Variants in C8orf34 observed in about 807,000 individuals in gnomAD.
C8orf34 encodes the protein chromosome 8 open reading frame 34.
C8orf34 carries 65 observed loss-of-function variants against 68.3 expected under a neutral mutation model. The ratio of observed to expected loss-of-function variants is 0.95; its 90% CI spans 0.78 to 1.17. C8orf34 has a LOEUF of 1.17. C8orf34 is among the 50% of genes most tolerant of loss of function. The pLI is 0.00. For missense variants in C8orf34, 664 were observed against 655.4 expected (o/e 1.01, Z -0.14); for synonymous variants, 244 against 241.2 (o/e 1.01, Z -0.11).
At chr8:68,462,989 T>C (rs1440331958) in intron 3 of C8orf34, among the ~76,000 whole-genome samples, 1 of 151,806 alleles carries the variant, frequency 6.6e-6, no homozygotes. Flanking sequence ...TTCAAAAAAT[T>C]AATGAATCCA....
intron 7 of C8orf34, among the ~76,000 whole-genome samples, chr8:68,567,731 AT>A (rs71253093): frequency 0.55 from 77,330 of 139,870 alleles, 20,525 homozygotes; most frequent in African/African-American, 0.64. Flanking sequence ...AGTCTTTTGT[AT>A]TTTTTTTTTT....
At chr8:68,481,270 C>T (rs1420358051) in intron 4 of C8orf34, among the ~76,000 whole-genome samples, 2 of 152,200 alleles carry the variant, frequency 1.3e-5, no homozygotes, top group Non-Finnish European at 2.9e-5. Context: ...GTTTGGGAAC[C>T]TCTGCCTAGA....
chr8:68,484,060 C>G (rs1398939034), intron 4 of C8orf34, among the ~76,000 whole-genome samples: 1 of 152,152 alleles, frequency 6.6e-6, no homozygotes, highest in African/African-American at 2.4e-5. Flanking sequence ...GTACAGGAAG[C>G]ATAAAACCAG....
chr8:68,708,892 T>A, intron 8 of C8orf34, 102 bp from the exon 9 acceptor site: 1 of 791,780 alleles, frequency 1.3e-6, no homozygotes, highest in Non-Finnish European at 2.1e-6. Flanking sequence ...CATATCTGAG[T>A]TTAGAGTCTA....
chr8:68,448,674 G>A (rs1332481944), intron 3 of C8orf34, among the ~76,000 whole-genome samples: 1 of 152,090 alleles, frequency 6.6e-6, no homozygotes, highest in Non-Finnish European at 1.5e-5. Context: ...CACCAATATT[G>A]TAAGTTGAAG....
intron 9 of C8orf34, among the ~76,000 whole-genome samples, chr8:68,720,646 C>T (rs1821643963): frequency 6.6e-6 from 1 of 151,520 alleles, no homozygotes; most frequent in African/African-American, 2.4e-5. Flanking sequence ...CTAAGGAAGT[C>T]AACATTCTTC....
At chr8:68,616,603 A>T (rs2130603028) in intron 7 of C8orf34, among the ~76,000 whole-genome samples, 1 of 152,218 alleles carries the variant, frequency 6.6e-6, no homozygotes, top group Non-Finnish European at 1.5e-5. Flanking sequence ...AGCAGTTTTG[A>T]GTGAGTTTCT....
chr8:68,799,660 A>G (rs1268113699), intron 12 of C8orf34, among the ~76,000 whole-genome samples: 2 of 152,224 alleles, frequency 1.3e-5, no homozygotes, highest in Admixed American at 6.5e-5. Flanking sequence ...AAGTCAACAT[A>G]CATATACTGA....
Position 68,625,514 on chromosome 8 carries a change from T to C in C8orf34, c.1106-14862T>C, listed in dbSNP as rs888800999. The C allele has an allele frequency of 5.2e-5, 32 of 619,314 alleles. 2 individuals carry two copies. In the South Asian group the frequency reaches 5.6e-4, roughly 11 times the overall value. The allele number at this position is 619,314 out of a possible 1,614,324, so 38.4% of individuals were successfully genotyped here. ...TGTAAAATTCCACTTGGGGTGGCGATGCTTTGTGGCTTGAAGTGTAAGGGA... is the reference window on the plus strand; with the variant it reads ...TGTAAAATTCCACTTGGGGTGGCGACGCTTTGTGGCTTGAAGTGTAAGGGA... On this transcript the variant is annotated intron_variant, in intron 7 of 13. Coordinates refer to ENST00000518698, the MANE Select transcript of C8orf34 (RefSeq NM_052958.4).
intron 1 of C8orf34, among the ~76,000 whole-genome samples, chr8:68,381,845 A>G (rs539302520): frequency 9.2e-5 from 14 of 152,128 alleles, no homozygotes; most frequent in Admixed American, 3.3e-4. Flanking sequence ...TTAAATACCT[A>G]TAGATTAAAA....
chr8:68,680,910 A>T (rs1271901377), intron 8 of C8orf34, among the ~76,000 whole-genome samples: 1 of 152,050 alleles, frequency 6.6e-6, no homozygotes, highest in East Asian at 1.9e-4. Flanking sequence ...CATAAGACAG[A>T]CACTCCCAGA....
At chr8:68,443,987 C>T (rs559531831) in intron 2 of C8orf34, among the ~76,000 whole-genome samples, 1 of 152,120 alleles carries the variant, frequency 6.6e-6, no homozygotes, top group South Asian at 2.1e-4. Flanking sequence ...ACTGGAATGT[C>T]AACTATGATT....
chr8:68,450,255 C>T lies in C8orf34; in HGVS notation c.607+3795C>T, dbSNP rs180895192. Among the ~76,000 whole-genome samples, 653 of 152,158 alleles carry T rather than the reference C, an allele frequency of 4.3e-3. 5 individuals are homozygous for T. The highest frequency in any genetic ancestry group is 0.015 in the African/African-American group (630 of 41,540). On this transcript the variant is annotated intron_variant, in intron 3 of 13. Transcript: ENST00000518698. ...CTATTTCTAGTTCTCTTGCTATTTC[C>T]ACCATATATTCAGTTACTTCCTTCA...
chr8:68,530,984 C>G (rs142006343), intron 6 of C8orf34, among the ~76,000 whole-genome samples: 1 of 152,092 alleles, frequency 6.6e-6, no homozygotes, highest in East Asian at 1.9e-4. Flanking sequence ...ATCCACATAC[C>G]CTCCACCTGT....
intron 12 of C8orf34, among the ~76,000 whole-genome samples, chr8:68,796,369 C>T (rs1387901190): frequency 6.6e-6 from 1 of 152,096 alleles, no homozygotes; most frequent in Non-Finnish European, 1.5e-5. Flanking sequence ...TTTCTCTACT[C>T]CTATAGTCCT....
chr8:68,490,804 C>G (rs1813279565), intron 5 of C8orf34, among the ~76,000 whole-genome samples: 1 of 152,152 alleles, frequency 6.6e-6, no homozygotes, highest in Admixed American at 6.5e-5. Flanking sequence ...CATTCTTTGC[C>G]TGTCTGGCAG....
chr8:68,643,493 A>G (rs532973339), intron 8 of C8orf34, among the ~76,000 whole-genome samples: 85 of 152,302 alleles, frequency 5.6e-4, no homozygotes, highest in South Asian at 1.4e-3. Flanking sequence ...GTGTCTTATA[A>G]ATGACAAGTA....
intron 10 of C8orf34, among the ~76,000 whole-genome samples, chr8:68,747,106 G>T (rs1028198516): frequency 3.9e-5 from 6 of 152,042 alleles, no homozygotes; most frequent in African/African-American, 1.4e-4. Flanking sequence ...ATGTAATCCA[G>T]CATGTAAACA....
At chr8:68,444,095 T>C (rs1199199223) in intron 2 of C8orf34, among the ~76,000 whole-genome samples, 1 of 152,194 alleles carries the variant, frequency 6.6e-6, no homozygotes, top group East Asian at 1.9e-4. Context: ...TTGTTGACTC[T>C]CTTTTAGAGA....
Sources: gnomAD v4.1 joint callset for allele counts (sites outside exome capture counted in the v4.1 genomes callset) on GRCh38, gnomAD v4.1.1 for gene constraint, MANE v1.5 for transcripts, NCBI Gene and HGNC (gene_info 2026-07-23, HGNC 2026-07-21) for gene names.